The following WWOX variants were observed in gnomAD, a reference collection of about 807,000 sequenced individuals.
The protein encoded by WWOX is WW domain-containing oxidoreductase.
Under a neutral mutation model 46.2 loss-of-function variants are expected in WWOX, and 69 were observed. That is an observed-to-expected ratio of 1.49 (90% CI 1.23 to 1.82). WWOX has a LOEUF of 1.82. Ranked by LOEUF, WWOX falls within the 40% of genes most tolerant of loss-of-function variation. The pLI is 0.00. For missense variants in WWOX, 919 were observed against 542.6 expected, an observed-to-expected ratio of 1.69 and a Z score of -6.89; for synonymous variants, 359 against 202.6, an observed-to-expected ratio of 1.77 and a Z score of -6.56.
rs566431181 is a variant in WWOX, at chr16:79,181,138, C to A, written c.1057-30470C>A. Among the ~76,000 whole-genome samples the A allele has an allele frequency of 4.5e-4, 69 of 152,280 alleles. 2 individuals carry two copies. In the South Asian group the frequency reaches 0.014, roughly 31 times the overall value. On this transcript the variant is annotated intron_variant, in intron 8 of 8. Coordinates refer to ENST00000566780, the MANE Select transcript of WWOX (RefSeq NM_016373.4). ...GTGGCAATTTTGGACCTTCTGTGAC[C>A]GTGCAAACATGCAGATTATACATGC...
At chr16:78,722,479 A>T (rs1395807504) in intron 8 of WWOX, among the ~76,000 whole-genome samples, 1 of 152,224 alleles carries the variant, frequency 6.6e-6, no homozygotes, top group Non-Finnish European at 1.5e-5. Context: ...CATAGGAAGC[A>T]TCCAGTAAGT....
intron 8 of WWOX, among the ~76,000 whole-genome samples, chr16:78,648,879 A>G (rs1376639083): frequency 6.6e-6 from 1 of 152,066 alleles, no homozygotes; most frequent in Admixed American, 6.5e-5. Flanking sequence ...CCCTTTGTTT[A>G]TTTTTACACT....
At chr16:78,157,083 T>C (rs1334203039) in intron 4 of WWOX, among the ~76,000 whole-genome samples, 1 of 152,212 alleles carries the variant, frequency 6.6e-6, no homozygotes, top group Non-Finnish European at 1.5e-5. Context: ...TTTTTTTCTT[T>C]TAATACCCTG....
intron 8 of WWOX, among the ~76,000 whole-genome samples, chr16:78,670,492 G>C (rs984197010): frequency 6.6e-6 from 1 of 151,998 alleles, no homozygotes; most frequent in African/African-American, 2.4e-5. Flanking sequence ...CGGAAATCAT[G>C]TCACCCTCTG....
intron 8 of WWOX, among the ~76,000 whole-genome samples, chr16:78,590,213 G>A (rs1397932): frequency 0.5 from 75,798 of 151,756 alleles, 22,690 homozygotes; most frequent in Non-Finnish European, 0.66. Context: ...TTTATTTCTC[G>A]TGGTTCTAGA....
chr16:79,064,041 G>A (rs1270667791), intron 8 of WWOX, among the ~76,000 whole-genome samples: 1 of 152,202 alleles, frequency 6.6e-6, no homozygotes, highest in Non-Finnish European at 1.5e-5. Context: ...AGAAGCCTCA[G>A]AAGTGTGCAC....
At chr16:79,157,518 C>G (rs2050405118) in intron 8 of WWOX, among the ~76,000 whole-genome samples, 2 of 151,992 alleles carry the variant, frequency 1.3e-5, no homozygotes, top group African/African-American at 2.4e-5. Flanking sequence ...TCAATCACAT[C>G]TCTAAGGCAT....
intron 8 of WWOX, among the ~76,000 whole-genome samples, chr16:78,629,643 C>G (rs939502894): frequency 6.6e-6 from 1 of 152,214 alleles, no homozygotes; most frequent in Non-Finnish European, 1.5e-5. Context: ...CTACCCTGCT[C>G]CTTGCCACAG....
intron 5 of WWOX, among the ~76,000 whole-genome samples, chr16:78,215,394 CT>C (rs1312037212): frequency 3.3e-5 from 5 of 152,174 alleles, no homozygotes. Flanking sequence ...TTCCCTCATG[CT>C]GTTCTCGTGA....
chr16:78,491,178 A>G (rs1320509612), intron 8 of WWOX, among the ~76,000 whole-genome samples: 1 of 152,110 alleles, frequency 6.6e-6, no homozygotes, highest in African/African-American at 2.4e-5. Flanking sequence ...TCTTGGCCTC[A>G]TATCTTCCAC....
At chr16:78,472,387 C>T (rs897988650) in intron 8 of WWOX, among the ~76,000 whole-genome samples, 1 of 152,108 alleles carries the variant, frequency 6.6e-6, no homozygotes, top group Admixed American at 6.5e-5. Context: ...GGGCCTTGTT[C>T]ATTGTTTCTA....
intron 5 of WWOX, among the ~76,000 whole-genome samples, chr16:78,209,383 A>G (rs930490513): frequency 3.3e-5 from 5 of 152,232 alleles, no homozygotes; most frequent in African/African-American, 7.2e-5. Context: ...GCTCAAGCCA[A>G]CTGTCAGAAA....
At chr16:78,555,528 T>TATTC (rs2044272990) in intron 8 of WWOX, among the ~76,000 whole-genome samples, 1 of 151,786 alleles carries the variant, frequency 6.6e-6, no homozygotes, top group South Asian at 2.1e-4. Context: ...CTTCTGTGAG[T>TATTC]ATTCATCAAG....
chr16:78,860,269 T>G (rs1236742463), intron 8 of WWOX, among the ~76,000 whole-genome samples: 1 of 152,236 alleles, frequency 6.6e-6, no homozygotes, highest in African/African-American at 2.4e-5. Flanking sequence ...TAAATATTTG[T>G]GAATCAGTAA....
chr16:78,914,945 C>G (rs913189555), intron 8 of WWOX, among the ~76,000 whole-genome samples: 2 of 150,914 alleles, frequency 1.3e-5, no homozygotes, highest in East Asian at 1.9e-4. Context: ...GTGGTCTGGC[C>G]TGGTGGAGAG....
intron 8 of WWOX, among the ~76,000 whole-genome samples, chr16:78,652,222 C>T (rs1425786542): frequency 6.6e-6 from 1 of 151,268 alleles, no homozygotes; most frequent in Non-Finnish European, 1.5e-5. Flanking sequence ...CCATCCTGGC[C>T]AATATGGTGA....
chr16:78,870,996 A>G (rs928766488), intron 8 of WWOX, among the ~76,000 whole-genome samples: 1 of 152,206 alleles, frequency 6.6e-6, no homozygotes, highest in African/African-American at 2.4e-5. Flanking sequence ...CCAGGGTCTC[A>G]TAGACTCTGC....
chr16:79,142,462 C>CTG (rs1407518075), intron 8 of WWOX, among the ~76,000 whole-genome samples: 1 of 152,176 alleles, frequency 6.6e-6, no homozygotes, highest in East Asian at 1.9e-4. Flanking sequence ...ACATGCTACA[C>CTG]ATCAGGGCTC....
chr16:78,794,023 C>T (rs1567564039), intron 8 of WWOX, among the ~76,000 whole-genome samples: 2 of 152,172 alleles, frequency 1.3e-5, no homozygotes, highest in African/African-American at 4.8e-5. Context: ...TTACAGCAGG[C>T]TAGATTCAAA....
Sources: gnomAD v4.1 joint callset for allele counts (sites outside exome capture counted in the v4.1 genomes callset) on GRCh38, gnomAD v4.1.1 for gene constraint, MANE v1.5 for transcripts, NCBI Gene and HGNC (gene_info 2026-07-23, HGNC 2026-07-21) for gene names.